The following CDH2 variants were observed in gnomAD, a reference collection of about 807,000 sequenced individuals.
CDH2 encodes cadherin 2.
CDH2 carries 17 observed loss-of-function variants against 92.0 expected under a neutral mutation model. The ratio of observed to expected loss-of-function variants is 0.18; its 90% CI spans 0.13 to 0.28. The LOEUF is 0.28. Among genes scored for constraint, CDH2 ranks in the 10% least tolerant of loss-of-function variants. The pLI, the probability that CDH2 is intolerant of heterozygous loss-of-function variation, is 1.00. For missense variants in CDH2, 862 were observed against 1,133.1 expected (o/e 0.76, Z 3.44); for synonymous variants, 419 against 415.9 (o/e 1.01, Z -0.09).
At chr18:28,043,118 A>C (rs1396598508) in intron 2 of CDH2, among the ~76,000 whole-genome samples, 1 of 152,142 alleles carries the variant, frequency 6.6e-6, no homozygotes, top group Non-Finnish European at 1.5e-5. Context: ...CTACTCAGTC[A>C]TAAAACGGAA....
At chr18:27,942,956 T>C (rs895858497) in intron 6 of CDH2, among the ~76,000 whole-genome samples, 9 of 152,134 alleles carry the variant, frequency 5.9e-5, no homozygotes, top group African/African-American at 2.2e-4. Context: ...AACCATTATG[T>C]TTTCTAAAAG....
At position 27,985,599 on chromosome 18, in the gene CDH2, C is replaced by T; in HGVS notation, c.1904G>A (p.Gly635Glu). The T allele has an allele frequency of 1.2e-6, 2 of 1,613,888 alleles. No homozygotes were observed. Among genetic ancestry groups the T allele is most frequent in the Non-Finnish European group, 1.7e-6 (2 of 1,179,810 alleles). ...TAAAGGAAGATCAAAAGCAAATGGT[C>T]CAGCATTTGGATCAATGTCATAATC... ...ALDYDIDPNA[G>E]PFAFDLPLSP... Residue 635 changes from glycine to glutamate, a missense_variant, in exon 12 of 16, where the codon GGA becomes GAA. By Grantham distance (98) the Gly-to-Glu change is moderately conservative (BLOSUM62 -2). This residue lies in a region of CDH2 where 564 missense variants were observed against 722.2 expected (regional missense o/e 0.78). Coordinates refer to ENST00000269141, the MANE Select transcript of CDH2 (RefSeq NM_001792.5).
chr18:27,981,698 C>T (rs755841062), intron 14 of CDH2, among the ~76,000 whole-genome samples: 1 of 152,118 alleles, frequency 6.6e-6, no homozygotes, highest in African/African-American at 2.4e-5. Flanking sequence ...TATATCATTT[C>T]CTCAAAGGAG....
intron 1 of CDH2, among the ~76,000 whole-genome samples, chr18:28,167,715 ATGTATATTTTCC>A (rs1449496539): frequency 1.3e-5 from 2 of 152,134 alleles, no homozygotes; most frequent in Admixed American, 1.3e-4. Flanking sequence ...GTCCACTTCT[ATGTATATTTTCC>A]TGTATGCATT....
chr18:28,007,650 A>T (rs2012978466), intron 5 of CDH2, among the ~76,000 whole-genome samples: 1 of 152,182 alleles, frequency 6.6e-6, no homozygotes, highest in Non-Finnish European at 1.5e-5. Flanking sequence ...TTATACTTAT[A>T]TATTGAATCT....
chr18:27,989,680 A>G (rs1465004549), intron 10 of CDH2, among the ~76,000 whole-genome samples: 5 of 152,168 alleles, frequency 3.3e-5, no homozygotes. Flanking sequence ...GAATGAAAAT[A>G]ATTAACTCTT....
chr18:28,096,725 T>C (rs1447240429), intron 2 of CDH2, among the ~76,000 whole-genome samples: 8 of 152,342 alleles, frequency 5.3e-5, no homozygotes. Flanking sequence ...CTCAATAGTT[T>C]ATGATCGTGA....
At chr18:27,965,639 G>A (rs769508249) in intron 14 of CDH2, among the ~76,000 whole-genome samples, 3 of 152,078 alleles carry the variant, frequency 2.0e-5, no homozygotes, top group Non-Finnish European at 4.4e-5. Context: ...AGTTATTTAC[G>A]GAATATCTCA....
rs758658207 is a variant in CDH2 at position 27,952,199 on chromosome 18, G to A, written c.2675C>T (p.Pro892Leu). 3 of 1,613,616 alleles carry A rather than the reference G, an allele frequency of 1.9e-6. No individual in the cohort carries two copies. In the East Asian group the frequency reaches 6.7e-5, roughly 36 times the overall value. Residue 892 changes from proline (P) to leucine (L), a missense_variant, in exon 16 of 16, where the codon CCA becomes CTA. This residue lies in a region of CDH2 where 114 missense variants were observed against 144.8 expected (regional missense o/e 0.79). Coordinates refer to ENST00000269141, the MANE Select transcript of CDH2 (RefSeq NM_001792.5). ...QDYDYLNDWGPRFKKLADMYG... is the reference protein window; with the variant it reads ...QDYDYLNDWGLRFKKLADMYG... ...CATGTCAGCAAGTTTCTTGAACCGT[G>A]GCCCCCAGTCGTTCAGGTAATCATA...
Position 27,993,545 on chromosome 18 carries a change from T to G in CDH2, c.1113A>C (p.Thr371=), listed in dbSNP as rs754806509. 1.5e-5 allele frequency: 25 copies of G among 1,614,066 alleles called. No homozygotes were observed. The East Asian group carries it at 5.3e-4, about 35-fold the overall frequency. ...GAGGATTGTCATTGACATCTGTCAC[T>G]GTGATGACGGCCGTGGCTGTGTTTG... ...GLSNTATAVI[T]VTDVNDNPPE... The change falls in exon 8 of 16, where the codon ACA becomes ACC. Residue 371 remains threonine, a synonymous_variant. Transcript: ENST00000269141.
At chr18:27,973,125 C>A (rs1020136687) in intron 14 of CDH2, among the ~76,000 whole-genome samples, 2 of 152,096 alleles carry the variant, frequency 1.3e-5, no homozygotes, top group South Asian at 2.1e-4. Context: ...GTTCTTACCC[C>A]ATCTCAGGCA....
rs1169123940 is a variant in CDH2 at position 28,002,986 on chromosome 18, G to A, written c.1020+11C>T. 1.2e-6 allele frequency: 2 copies of A among 1,610,340 alleles called. No individual in the cohort carries two copies. The highest frequency in any genetic ancestry group is 1.7e-6 in the Non-Finnish European group (2 of 1,177,276). On this transcript the variant is annotated intron_variant, in intron 7 of 15. Coordinates refer to ENST00000269141, the MANE Select transcript of CDH2 (RefSeq NM_001792.5). Reference sequence around the variant, plus strand: ...AAAAACAAACACAAATAGAGTTTTTGGTTGGCTTACTTCTCGATCAAGTCC... The same window carrying A: ...AAAAACAAACACAAATAGAGTTTTTAGTTGGCTTACTTCTCGATCAAGTCC...
intron 7 of CDH2, among the ~76,000 whole-genome samples, chr18:28,001,114 C>T (rs760654473): frequency 1.4e-4 from 22 of 152,100 alleles, no homozygotes; most frequent in Non-Finnish European, 2.4e-4. Context: ...GTATCTAACC[C>T]ATAATTCTAT....
intron 2 of CDH2, among the ~76,000 whole-genome samples, chr18:28,039,696 T>G (rs986722474): frequency 1.3e-5 from 2 of 152,168 alleles, no homozygotes; most frequent in Non-Finnish European, 2.9e-5. Context: ...CGTGTGTTTT[T>G]TTTGTCAAAT....
intron 2 of CDH2, among the ~76,000 whole-genome samples, chr18:28,142,004 T>C (rs1174180127): frequency 6.6e-6 from 1 of 151,994 alleles, no homozygotes; most frequent in Admixed American, 6.6e-5. Context: ...AGGCACACAT[T>C]CTCCCTATTT....
chr18:28,010,255 T>A (rs1028300052), intron 4 of CDH2, among the ~76,000 whole-genome samples: 3 of 152,174 alleles, frequency 2.0e-5, no homozygotes, highest in South Asian at 2.1e-4. Context: ...CCTTTTTGCA[T>A]CAGTAACAAC....
intron 7 of CDH2, among the ~76,000 whole-genome samples, chr18:28,000,906 A>G (rs1283954378): frequency 2.6e-5 from 4 of 152,160 alleles, no homozygotes; most frequent in Non-Finnish European, 5.9e-5. Flanking sequence ...AAATAAAAGA[A>G]TTTCAAGTCT....
intron 2 of CDH2, among the ~76,000 whole-genome samples, chr18:28,028,718 T>C (rs1163314616): frequency 2.0e-5 from 3 of 152,156 alleles, no homozygotes; most frequent in Non-Finnish European, 4.4e-5. Flanking sequence ...TGAAAAGCTG[T>C]ACTATTCAAG....
intron 2 of CDH2, among the ~76,000 whole-genome samples, chr18:28,069,569 A>G (rs1369368874): frequency 6.6e-6 from 1 of 152,116 alleles, no homozygotes; most frequent in African/African-American, 2.4e-5. Flanking sequence ...ATTACCTTAA[A>G]CATTCCTCCC....
Sources: allele counts gnomAD v4.1 joint callset (sites outside exome capture counted in the v4.1 genomes callset), GRCh38; gene constraint gnomAD v4.1.1; regional missense constraint gnomAD v4.1.1; transcripts MANE v1.5; gene names NCBI Gene and HGNC (gene_info 2026-07-23, HGNC 2026-07-21).